The following NRGN variants were observed in gnomAD, a reference collection of about 807,000 sequenced individuals.
The protein encoded by NRGN is neurogranin.
For synonymous variants in NRGN, 47 were observed against 52.8 expected, an observed-to-expected ratio of 0.89 and a Z score of 0.47; for missense variants, 82 against 123.0, an observed-to-expected ratio of 0.67 and a Z score of 1.58.
At chr11:124,743,767 C>T (rs917542514) in intron 1 of NRGN, among the ~76,000 whole-genome samples, 1 of 151,996 alleles carries the variant, frequency 6.6e-6, no homozygotes, top group African/African-American at 2.4e-5. Flanking sequence ...ATATCCTGTC[C>T]ACTTCTATGA....
rs1027778216 is a variant in NRGN, at chr11:124,746,388, C to G, written c.*24-16C>G. The G allele has an allele frequency of 6.6e-6, 1 of 152,616 alleles. No homozygotes were observed. 9.5% of individuals were successfully genotyped at this position (152,616 alleles called of 1,614,324 possible). A position where few individuals can be genotyped will look rare whatever the true frequency, so the allele number is the denominator to read the frequency against. Reference sequence around the variant, plus strand: ...TAGCAGAAGAGGGCAGGTTCTCAGACCTTTTCTCTCCTCAGTTCCCGAGGA... The same window carrying G: ...TAGCAGAAGAGGGCAGGTTCTCAGAGCTTTTCTCTCCTCAGTTCCCGAGGA... On this transcript the variant is annotated splice_polypyrimidine_tract_variant and intron_variant, in intron 3 of 3. Coordinates refer to ENST00000284292, the MANE Select transcript of NRGN (RefSeq NM_006176.3).
In NRGN at chr11:124,745,748, G is replaced by A. The variant is rs774523388; in HGVS notation, c.*5+19G>A. The A allele has an allele frequency of 1.1e-5, 14 of 1,253,504 alleles. No individual in the cohort carries two copies. The highest frequency in any genetic ancestry group is 1.4e-5 in the Non-Finnish European group (14 of 981,844). 77.6% of individuals were successfully genotyped at this position (1,253,504 alleles called of 1,614,324 possible). On this transcript the variant is annotated intron_variant, in intron 2 of 3. Transcript: ENST00000284292. This position sits in a 1 kb window ranked among gnomAD's most constrained non-coding sequence, Gnocchi z 6.4. ...AGGCCAGGTGAGGCGGGCGGCGCGC[G>A]GCTGGCTGACAGCTGCCCTTCCCCA...
rs914577562 is a variant in NRGN at position 124,740,560 on chromosome 11, A to T, written c.15+461A>T. On this transcript the variant is annotated intron_variant, in intron 1 of 3. Transcript: ENST00000284292. This position sits in a 1 kb window ranked among gnomAD's most constrained non-coding sequence, Gnocchi z 7.5. The stretch of plus-strand genomic sequence containing the variant: ...CTCATGACCCTCCAACGATCGCCTA[A>T]GCGCCCTGTGCAGCGCAGGCTGGTC... Among the ~76,000 whole-genome samples, 3 of 152,232 alleles carry T rather than the reference A, an allele frequency of 2.0e-5. No homozygotes were observed. Among genetic ancestry groups the T allele is most frequent in the Middle Eastern group, 3.2e-3 (1 of 316 alleles).
chr11:124,744,282 A>T (rs1943991312), intron 1 of NRGN, among the ~76,000 whole-genome samples: 1 of 152,248 alleles, frequency 6.6e-6, no homozygotes, highest in Admixed American at 6.5e-5. Context: ...GACAAGCATA[A>T]AAGCTACCAT....
Position 124,745,469 on chromosome 11 carries a change from T to C in NRGN, c.16-34T>C, listed in dbSNP as rs1944001126. 4 of 1,502,472 alleles carry C rather than the reference T, an allele frequency of 2.7e-6. No homozygotes were observed. The East Asian group carries it at 1.0e-4, about 38-fold the overall frequency. 93.1% of individuals were successfully genotyped at this position (1,502,472 alleles called of 1,614,324 possible). A position where few individuals can be genotyped will look rare whatever the true frequency, so the allele number is the denominator to read the frequency against. On this transcript the variant is annotated intron_variant, in intron 1 of 3. Transcript: ENST00000284292. The surrounding 1 kb of genome is among the most constrained non-coding windows in gnomAD (Gnocchi z 6.4). ...CCCACTCCCGCGGATCAAGACCCAG[T>C]GACCCCACAAGAACCCCCCTGCTTC...
chr11:124,740,006 G>C lies in NRGN; in HGVS notation c.-79G>C, dbSNP rs1044577245. On this transcript the variant is annotated 5_prime_UTR_variant, in exon 1 of 4. Transcript: ENST00000284292. This position sits in a 1 kb window ranked among gnomAD's most constrained non-coding sequence, Gnocchi z 7.5. ...TCGGCTGGCGGCCGACTGCCCCAGA[G>C]CCCCCACCCGGCACCACACAGACCC... 1.7e-4 allele frequency: 106 copies of C among 624,372 alleles called. No individual in the cohort carries two copies. The highest frequency in any genetic ancestry group is 5.4e-4 in the Admixed American group (13 of 24,230). 38.7% of individuals were successfully genotyped at this position (624,372 alleles called of 1,614,324 possible).
intron 1 of NRGN, among the ~76,000 whole-genome samples, chr11:124,741,642 G>A (rs1469306205): frequency 6.6e-6 from 1 of 152,020 alleles, no homozygotes; most frequent in Non-Finnish European, 1.5e-5. Context: ...GTTGTATAAA[G>A]TAGAGAAGAT....
intron 1 of NRGN, among the ~76,000 whole-genome samples, chr11:124,742,550 T>C (rs1027721035): frequency 6.6e-6 from 1 of 152,188 alleles, no homozygotes; most frequent in Non-Finnish European, 1.5e-5. Flanking sequence ...CGCATGAATT[T>C]TTTTGGATCC....
chr11:124,745,470 GACCCCACAA>G lies in NRGN; in HGVS notation c.16-32_16-24del. 1 of 1,505,368 alleles carries G rather than the reference GACCCCACAA, an allele frequency of 6.6e-7. No homozygotes were observed. The highest frequency in any genetic ancestry group is 8.9e-7 in the Non-Finnish European group (1 of 1,119,466). The allele number at this position is 1,505,368 out of a possible 1,614,324, so 93.3% of individuals were successfully genotyped here. On this transcript the variant is annotated intron_variant, in intron 1 of 3. Coordinates refer to ENST00000284292, the MANE Select transcript of NRGN (RefSeq NM_006176.3). This position sits in a 1 kb window ranked among gnomAD's most constrained non-coding sequence, Gnocchi z 6.4. ...CCACTCCCGCGGATCAAGACCCAGT[GACCCCACAA>G]GAACCCCCCTGCTTCGCCCCCAGGA...
At chr11:124,742,519 C>T (rs892105242) in intron 1 of NRGN, among the ~76,000 whole-genome samples, 2 of 152,128 alleles carry the variant, frequency 1.3e-5, no homozygotes, top group Non-Finnish European at 2.9e-5. Flanking sequence ...ACTTTTCCTG[C>T]ATTCACCGCG....
At position 124,742,163 on chromosome 11, in the gene NRGN, G is replaced by A. The variant is rs897875043; in HGVS notation, c.15+2064G>A. 7.2e-5 allele frequency among the ~76,000 whole-genome samples: 11 copies of A among 152,264 alleles called. No homozygotes were observed. In the South Asian group the frequency reaches 2.3e-3, roughly 32 times the overall value. On this transcript the variant is annotated intron_variant, in intron 1 of 3. Coordinates refer to ENST00000284292, the MANE Select transcript of NRGN (RefSeq NM_006176.3). ...GAGTGATGTGTGGAGGGTTGGGGAA[G>A]GGCAGGGCTAGGGGTGGGCATTTTC...
In NRGN at chr11:124,740,205, C is replaced by A; in HGVS notation, c.15+106C>A. ...AGGGATGGAAGTGGATGCGGAAGAC[C>A]TAGGAGCAGAAAGAAAAGGGGTCCT... is the stretch of plus-strand genomic sequence containing the variant. On this transcript the variant is annotated intron_variant, in intron 1 of 3. Coordinates refer to ENST00000284292, the MANE Select transcript of NRGN (RefSeq NM_006176.3). This position sits in a 1 kb window ranked among gnomAD's most constrained non-coding sequence, Gnocchi z 7.5. The A allele has an allele frequency of 1.1e-6, 1 of 870,036 alleles. No individual in the cohort carries two copies. The highest frequency in any genetic ancestry group is 1.6e-6 in the Non-Finnish European group (1 of 639,466). 53.9% of individuals were successfully genotyped at this position (870,036 alleles called of 1,614,324 possible).
chr11:124,744,012 G>A (rs559331371), intron 1 of NRGN, among the ~76,000 whole-genome samples: 1 of 152,018 alleles, frequency 6.6e-6, no homozygotes, highest in East Asian at 1.9e-4. Flanking sequence ...CACTAATACT[G>A]CAAGTAATGT....
Position 124,745,680 on chromosome 11 carries a change from G to T in NRGN, c.193G>T (p.Gly65Trp). Residue 65 changes from glycine to tryptophan, a missense_variant, in exon 2 of 4, where the codon GGG (glycine) becomes TGG (tryptophan). Gly to Trp is a radical substitution (Grantham distance 184). Transcript: ENST00000284292. This position sits in a 1 kb window ranked among gnomAD's most constrained non-coding sequence, Gnocchi z 6.4. ...GGGCCCTGGGGGGCCTGGCGGAGCT[G>T]GGGTGGCCCGGGGAGGCGCGGGCGG... is the stretch of plus-strand genomic sequence containing the variant. ...GPGPGGPGGA[G>W]VARGGAGGGP... The T allele has an allele frequency of 6.9e-7, 1 of 1,440,780 alleles. No homozygotes were observed. Among genetic ancestry groups the T allele is most frequent in the East Asian group, 2.8e-5 (1 of 35,878 alleles). The allele number at this position is 1,440,780 out of a possible 1,614,324, so 89.2% of individuals were successfully genotyped here.
In NRGN at chr11:124,740,070, C is replaced by T. The variant is rs759255125; in HGVS notation, c.-15C>T. 4 of 1,326,752 alleles carry T rather than the reference C, an allele frequency of 3.0e-6. No homozygotes were observed. Among genetic ancestry groups the T allele is most frequent in the African/African-American group, 1.5e-5 (1 of 66,034 alleles). The allele number at this position is 1,326,752 out of a possible 1,614,324, so 82.2% of individuals were successfully genotyped here. A position where few individuals can be genotyped will look rare whatever the true frequency, so the allele number is the denominator to read the frequency against. ...CGCCAGCCTTCGTCCCCGCAGAGGA[C>T]CCCCCGACACCAGCATGGACTGCTG... On this transcript the variant is annotated 5_prime_UTR_variant, in exon 1 of 4. Transcript: ENST00000284292. The surrounding 1 kb of genome is among the most constrained non-coding windows in gnomAD (Gnocchi z 7.5).
At chr11:124,743,893 T>G (rs900429050) in intron 1 of NRGN, among the ~76,000 whole-genome samples, 1 of 63,774 alleles carries the variant, frequency 1.6e-5, no homozygotes, top group African/African-American at 1.3e-4. Flanking sequence ...GTGGAAGACT[T>G]CATGAAAAGA....
At position 124,745,647 on chromosome 11, in the gene NRGN, A is replaced by C. The variant is rs1944003225; in HGVS notation, c.160A>C (p.Lys54Gln). 6.4e-6 allele frequency: 10 copies of C among 1,569,808 alleles called. No individual in the cohort carries two copies. Among genetic ancestry groups the C allele is most frequent in the Non-Finnish European group, 8.6e-6 (10 of 1,162,536 alleles). The change falls in exon 2 of 4, where the codon AAG becomes CAG. Residue 54 changes from lysine to glutamine, a missense_variant. Coordinates refer to ENST00000284292, the MANE Select transcript of NRGN (RefSeq NM_006176.3). The surrounding 1 kb of genome is among the most constrained non-coding windows in gnomAD (Gnocchi z 6.4). ...KKIKSGERGR[K>Q]GPGPGGPGGA... Reference sequence around the variant, plus strand: ...GATAAAGAGCGGAGAGCGCGGCCGGAAGGGCCCGGGCCCTGGGGGGCCTGG... The same window carrying C: ...GATAAAGAGCGGAGAGCGCGGCCGGCAGGGCCCGGGCCCTGGGGGGCCTGG...
chr11:124,741,497 A>G (rs1427243998), intron 1 of NRGN, among the ~76,000 whole-genome samples: 1 of 152,132 alleles, frequency 6.6e-6, no homozygotes, highest in Non-Finnish European at 1.5e-5. Flanking sequence ...GAACACCCCG[A>G]TAACATATCT....
At chr11:124,742,350 C>T (rs183352733) in intron 1 of NRGN, among the ~76,000 whole-genome samples, 4 of 152,150 alleles carry the variant, frequency 2.6e-5, no homozygotes, top group Admixed American at 2.0e-4. Flanking sequence ...AGAATCTAGT[C>T]CTGTCTTATT....
Sources: allele counts gnomAD v4.1 joint callset (sites outside exome capture counted in the v4.1 genomes callset), GRCh38; gene constraint gnomAD v4.1.1; non-coding constraint Gnocchi (gnomAD v3.1); transcripts MANE v1.5; gene names NCBI Gene and HGNC (gene_info 2026-07-23, HGNC 2026-07-21).